The following DUSP10 variants were observed in gnomAD, a reference collection of about 807,000 sequenced individuals.
DUSP10 encodes the protein dual specificity protein phosphatase 10.
Under a neutral mutation model 30.8 loss-of-function variants are expected in DUSP10, and 14 were observed. The observed-to-expected ratio is 0.46, with a 90% CI of 0.30 to 0.71. The LOEUF is 0.71. Among genes scored for constraint, DUSP10 ranks in the 30% least tolerant of loss-of-function variants. The probability of loss-of-function intolerance (pLI) is 0.08; values close to 1 mark genes in which losing one functional copy is unlikely to be tolerated. For synonymous variants in DUSP10, 254 were observed against 250.4 expected (o/e 1.01, Z -0.14); for missense variants, 550 against 619.4 (o/e 0.89, Z 1.19).
At position 221,702,362 on chromosome 1, in the gene DUSP10, C is replaced by A. The variant is rs752519038; in HGVS notation, c.*50G>T. 6.4e-7 allele frequency: 1 copy of A among 1,566,856 alleles called. No homozygotes were observed. Among genetic ancestry groups the A allele is most frequent in the East Asian group, 2.3e-5 (1 of 44,262 alleles). ...AAAAAAACCAGAATCCATCCTCCTT[C>A]CTCATTGTCTCCTAATGGAGAGCAG... is the stretch of plus-strand genomic sequence containing the variant. On this transcript the variant is annotated 3_prime_UTR_variant, in exon 4 of 4. Transcript: ENST00000366899. The surrounding 1 kb of genome is among the most constrained non-coding windows in gnomAD (Gnocchi z 4.5).
At chr1:221,711,827 T>C (rs1030039151) in intron 2 of DUSP10, 3 of 152,230 alleles carry the variant, frequency 2.0e-5, no homozygotes, top group African/African-American at 7.2e-5. Flanking sequence ...CAGGAACAGA[T>C]GGATGCTATG....
Position 221,706,078 on chromosome 1 carries a change from C to A in DUSP10, c.1183+17G>T. 1.2e-6 allele frequency: 2 copies of A among 1,606,160 alleles called. No homozygotes were observed. The highest frequency in any genetic ancestry group is 2.2e-5 in the South Asian group (2 of 90,346). The stretch of plus-strand genomic sequence containing the variant: ...AAGGAAGGCAGCGGATGAAAATTCC[C>A]TATGGGAGATAGTTACCAATGAACT... On this transcript the variant is annotated intron_variant, in intron 3 of 3. Coordinates refer to ENST00000366899, the MANE Select transcript of DUSP10 (RefSeq NM_007207.6). This position sits in a 1 kb window ranked among gnomAD's most constrained non-coding sequence, Gnocchi z 4.6.
chr1:221,732,060 G>A (rs966174045), intron 2 of DUSP10, among the ~76,000 whole-genome samples: 1 of 152,224 alleles, frequency 6.6e-6, no homozygotes, highest in Non-Finnish European at 1.5e-5. Flanking sequence ...AAGATGGAAA[G>A]GATCTGGAAG....
chr1:221,737,111 C>G (rs1216058328), intron 2 of DUSP10: 1 of 985,308 alleles, frequency 1.0e-6, no homozygotes, highest in African/African-American at 1.7e-5. Flanking sequence ...ATGGGTCACC[C>G]CTATCCACAA....
intron 2 of DUSP10, among the ~76,000 whole-genome samples, chr1:221,709,060 C>T (rs1357220036): frequency 1.3e-5 from 2 of 151,328 alleles, no homozygotes; most frequent in Non-Finnish European, 1.5e-5. Context: ...AAAAAAGCAG[C>T]GTCCAGCTTT....
chr1:221,739,365 A>G lies in DUSP10; in HGVS notation c.380T>C (p.Leu127Pro). ...GCTGCCCACCCCACTTGATGGACTT[A>G]GAGAGCCTGTATTCTCATTATTGTT... Reference protein sequence around the residue: ...MVNNNENTGSLSPSSGVGSPV... With the variant: ...MVNNNENTGSPSPSSGVGSPV... The change falls in exon 2 of 4, where the codon CTA becomes CCA. Residue 127 changes from leucine (L) to proline (P), a missense_variant. Physicochemically the swap from Leu to Pro is moderately conservative, Grantham distance 98. Transcript: ENST00000366899. 6.2e-7 allele frequency: 1 copy of G among 1,614,060 alleles called. No homozygotes were observed. The highest frequency in any genetic ancestry group is 8.5e-7 in the Non-Finnish European group (1 of 1,179,966).
At chr1:221,724,560 T>C (rs974844073) in intron 2 of DUSP10, among the ~76,000 whole-genome samples, 1 of 152,210 alleles carries the variant, frequency 6.6e-6, no homozygotes, top group Admixed American at 6.5e-5. Flanking sequence ...CCATTTCAAG[T>C]GCTCAATGGC....
intron 2 of DUSP10, among the ~76,000 whole-genome samples, chr1:221,707,317 C>T (rs770759274): frequency 2.0e-5 from 3 of 152,154 alleles, no homozygotes; most frequent in Admixed American, 1.3e-4. Flanking sequence ...ATATTCTCCA[C>T]GTAGGGCCCT....
chr1:221,740,492 C>T (rs372870925), intron 1 of DUSP10, among the ~76,000 whole-genome samples: 2 of 152,294 alleles, frequency 1.3e-5, no homozygotes, highest in East Asian at 1.9e-4. Flanking sequence ...TAACTGGTGT[C>T]CTAAAACGAA....
At chr1:221,721,186 T>C (rs900974752) in intron 2 of DUSP10, among the ~76,000 whole-genome samples, 3 of 152,220 alleles carry the variant, frequency 2.0e-5, no homozygotes, top group Non-Finnish European at 2.9e-5. Flanking sequence ...GCATCTGAAT[T>C]GTATATAGTA....
chr1:221,740,234 C>T (rs939110490), intron 1 of DUSP10, among the ~76,000 whole-genome samples: 1 of 152,190 alleles, frequency 6.6e-6, no homozygotes, highest in Non-Finnish European at 1.5e-5. Context: ...TTCCCTCACT[C>T]GCTGCAAAGG....
At chr1:221,714,926 A>G (rs186061210) in intron 2 of DUSP10, among the ~76,000 whole-genome samples, 8 of 152,334 alleles carry the variant, frequency 5.3e-5, no homozygotes, top group South Asian at 2.1e-4. Context: ...CATTCCAGAA[A>G]GAAGCTAATA....
intron 2 of DUSP10, among the ~76,000 whole-genome samples, chr1:221,738,607 A>G (rs967468474): frequency 6.6e-6 from 1 of 152,260 alleles, no homozygotes; most frequent in Admixed American, 6.5e-5. Flanking sequence ...GAGCTAGCAG[A>G]CCAGGCATGA....
intron 2 of DUSP10, among the ~76,000 whole-genome samples, chr1:221,725,569 A>T (rs1023702457): frequency 6.6e-6 from 1 of 152,208 alleles, no homozygotes; most frequent in African/African-American, 2.4e-5. Context: ...TAATATACTC[A>T]ACCAATTCAC....
At chr1:221,732,691 T>C (rs1300272672) in intron 2 of DUSP10, among the ~76,000 whole-genome samples, 1 of 152,200 alleles carries the variant, frequency 6.6e-6, no homozygotes, top group Non-Finnish European at 1.5e-5. Context: ...CCCATTCCTG[T>C]AGTGGCATAA....
chr1:221,712,499 T>A (rs1012285200), intron 2 of DUSP10, among the ~76,000 whole-genome samples: 3 of 152,104 alleles, frequency 2.0e-5, no homozygotes, highest in African/African-American at 7.2e-5. Context: ...TGCCTTATGT[T>A]TGAAAAGACA....
chr1:221,738,353 T>C (rs1048902056), intron 2 of DUSP10, among the ~76,000 whole-genome samples: 2 of 152,184 alleles, frequency 1.3e-5, no homozygotes, highest in African/African-American at 4.8e-5. Flanking sequence ...ATGGATGTAA[T>C]TGGTGAACTT....
intron 2 of DUSP10, among the ~76,000 whole-genome samples, chr1:221,724,767 C>T (rs562032130): frequency 5.3e-5 from 8 of 152,274 alleles, no homozygotes; most frequent in African/African-American, 9.6e-5. Flanking sequence ...CTAAAATCTA[C>T]GGTGCTATAA....
intron 2 of DUSP10, among the ~76,000 whole-genome samples, chr1:221,712,521 G>GTATC (rs1016895024): frequency 2.0e-5 from 3 of 152,026 alleles, no homozygotes; most frequent in Non-Finnish European, 4.4e-5. Context: ...AAACAAGGAA[G>GTATC]TATCACAAGC....
Sources: allele counts gnomAD v4.1 joint callset (sites outside exome capture counted in the v4.1 genomes callset), GRCh38; gene constraint gnomAD v4.1.1; non-coding constraint Gnocchi (gnomAD v3.1); transcripts MANE v1.5; gene names NCBI Gene and HGNC (gene_info 2026-07-23, HGNC 2026-07-21).